The following ZSCAN32 variants were observed in gnomAD, a reference collection of about 807,000 sequenced individuals.
ZSCAN32 encodes the protein zinc finger and SCAN domain containing 32.
In ZSCAN32, 52 loss-of-function variants were observed where a neutral mutation model predicts 47.4. The ratio of observed to expected loss-of-function variants is 1.10; its 90% CI spans 0.88 to 1.38. ZSCAN32 has a LOEUF of 1.38. Among genes scored for constraint, ZSCAN32 ranks in the 40% most tolerant of loss-of-function variants. The pLI is 0.00. For missense variants in ZSCAN32, 959 were observed against 846.0 expected, an observed-to-expected ratio of 1.13 and a Z score of -1.66; for synonymous variants, 346 against 305.7, an observed-to-expected ratio of 1.13 and a Z score of -1.38.
chr16:3,385,546 C>A (rs2031867981), intron 5 of ZSCAN32, among the ~76,000 whole-genome samples: 2 of 152,160 alleles, frequency 1.3e-5, no homozygotes, highest in Admixed American at 6.5e-5. Context: ...TCAAACTATA[C>A]TACAAGGCTA....
At chr16:3,395,200 G>A (rs1596229550) in intron 2 of ZSCAN32, among the ~76,000 whole-genome samples, 1 of 152,306 alleles carries the variant, frequency 6.6e-6, no homozygotes, top group East Asian at 1.9e-4. Flanking sequence ...AGGGAATGAA[G>A]AGAGGTACTG....
intron 2 of ZSCAN32, among the ~76,000 whole-genome samples, chr16:3,396,846 C>G (rs990866152): frequency 2.3e-4 from 35 of 152,212 alleles, no homozygotes; most frequent in African/African-American, 8.2e-4. Context: ...AAGCTCCTAG[C>G]ATGAAACTAG....
chr16:3,390,991 T>TA (rs1265077785), intron 3 of ZSCAN32, among the ~76,000 whole-genome samples: 2 of 152,200 alleles, frequency 1.3e-5, no homozygotes, highest in Non-Finnish European at 2.9e-5. Context: ...CACACCAAGA[T>TA]AATACATTTT....
intron 3 of ZSCAN32, among the ~76,000 whole-genome samples, chr16:3,393,055 T>A (rs1456990127): frequency 6.9e-6 from 1 of 144,908 alleles, no homozygotes; most frequent in Non-Finnish European, 1.5e-5. Context: ...AGAATTGTAA[T>A]AAAAAAGAAT....
At chr16:3,390,615 C>G in intron 3 of ZSCAN32, 98 bp from the exon 4 acceptor site, 1 of 893,174 alleles carries the variant, frequency 1.1e-6, no homozygotes, top group Non-Finnish European at 1.7e-6. Context: ...GCATCAGCAG[C>G]CCCTGGCAAC....
In ZSCAN32 at chr16:3,390,512, G is replaced by C. The variant is rs953962512; in HGVS notation, c.538C>G (p.Leu180Val). The C allele has an allele frequency of 1.0e-5, 16 of 1,548,524 alleles. No individual in the cohort carries two copies. Among genetic ancestry groups the C allele is most frequent in the Admixed American group, 5.9e-5 (3 of 50,966 alleles). ...AGGTTCCTGGGAGCCTGAGGAGCAA[G>C]CCAGGCTGGGGGAAAAAACAGCCGC... ...QRPGEQSEAW[L>V]APQAPRNLPQ... The change falls in exon 4 of 7, where the codon CTT (leucine) becomes GTT (valine). Residue 180 changes from leucine (L) to valine (V), a missense_variant. Coordinates refer to ENST00000396852, the MANE Select transcript of ZSCAN32 (RefSeq NM_001284527.2).
rs751620210 is a variant in ZSCAN32 at position 3,383,600 on chromosome 16, G to C, written c.1346C>G (p.Ser449Cys). Residue 449 changes from serine (S) to cysteine (C), a missense_variant, in exon 7 of 7, where the codon TCT becomes TGT. Physicochemically the swap from Ser to Cys is moderately radical, Grantham distance 112. Transcript: ENST00000396852. ...QRKSRGVYWH[S>C]ELQKGLESEP... The stretch of plus-strand genomic sequence containing the variant: ...ACTCTCCAAGCCTTTTTGTAGCTCA[G>C]AGTGCCAATAAACTCCTCTGGACTT... The C allele has an allele frequency of 7.4e-6, 12 of 1,613,738 alleles. No homozygotes were observed. The highest frequency in any genetic ancestry group is 8.5e-6 in the Non-Finnish European group (10 of 1,179,998).
rs2033503740 is a variant in ZSCAN32, at chr16:3,397,651, C to G, written c.-94G>C. ...ATCACTGGGAAGCCATGTTCTCCTG[C>G]AAGGAATGTCTTTCTGTAATCCGTG... On this transcript the variant is annotated 5_prime_UTR_variant, in exon 2 of 7. Transcript: ENST00000396852. 1 of 1,412,864 alleles carries G rather than the reference C, an allele frequency of 7.1e-7. No homozygotes were observed. The highest frequency in any genetic ancestry group is 1.5e-5 in the South Asian group (1 of 66,378). 87.5% of individuals were successfully genotyped at this position (1,412,864 alleles called of 1,614,324 possible).
In ZSCAN32 at chr16:3,390,119, A is replaced by C; in HGVS notation, c.642T>G (p.Arg214=). ...GACAGAGGGATACAGCTCTGTTGTC[A>C]CGCATGGCTGGTCCCTGTAACAACA... ...WTAGSQGPAM[R]DNRAVSLCQQ... Residue 214 remains arginine (R), a synonymous_variant, in exon 5 of 7, where the codon CGT becomes CGG. Transcript: ENST00000396852. The C allele has an allele frequency of 6.2e-7, 1 of 1,612,068 alleles. No homozygotes were observed. The highest frequency in any genetic ancestry group is 8.5e-7 in the Non-Finnish European group (1 of 1,179,036).
At chr16:3,385,110 G>A (rs1233686273) in intron 5 of ZSCAN32, among the ~76,000 whole-genome samples, 169 bp from the exon 6 acceptor site, 1 of 152,136 alleles carries the variant, frequency 6.6e-6, no homozygotes, top group East Asian at 1.9e-4. Context: ...AGATCATGAG[G>A]TCAAGAGATC....
chr16:3,383,994 G>A (rs2031607683), intron 6 of ZSCAN32: 1 of 460,294 alleles, frequency 2.2e-6, no homozygotes, highest in African/African-American at 2.0e-5. Flanking sequence ...TATATCATCT[G>A]CCAGTCTGTT....
At position 3,383,538 on chromosome 16, in the gene ZSCAN32, C is replaced by G. The variant is rs764892915; in HGVS notation, c.1408G>C (p.Gly470Arg). ...TSRRQCRNSP[G>R]ESEEKTPSQE... ...GATGGGGTTTTCTCCTCACTCTCCCCTGGAGAATTTCTACATTGCCTTCTT... is the reference window on the plus strand; with the variant it reads ...GATGGGGTTTTCTCCTCACTCTCCCGTGGAGAATTTCTACATTGCCTTCTT... The change falls in exon 7 of 7, where the codon GGG (glycine) becomes CGG (arginine). Residue 470 changes from glycine (G) to arginine (R), a missense_variant. Transcript: ENST00000396852. The G allele has an allele frequency of 4.3e-6, 7 of 1,614,118 alleles. No individual in the cohort carries two copies. In the East Asian group the frequency reaches 1.6e-4, roughly 36 times the overall value.
At position 3,383,279 on chromosome 16, in the gene ZSCAN32, T is replaced by A; in HGVS notation, c.1667A>T (p.Lys556Met). The A allele has an allele frequency of 6.2e-7, 1 of 1,614,234 alleles. No individual in the cohort carries two copies. Among genetic ancestry groups the A allele is most frequent in the Non-Finnish European group, 8.5e-7 (1 of 1,180,040 alleles). Residue 556 changes from lysine (K) to methionine (M), a missense_variant, in exon 7 of 7, where the codon AAG becomes ATG. By Grantham distance (95) the Lys-to-Met change is moderately conservative. Coordinates refer to ENST00000396852, the MANE Select transcript of ZSCAN32 (RefSeq NM_001284527.2). ...GAGGTTGGAGCGCTCACTAAAGCCC[T>A]TCCCGCACTCACTGCACTTGTGAGG... ...EKPHKCSECG[K>M]GFSERSNLTA...
At position 3,393,782 on chromosome 16, in the gene ZSCAN32, G is replaced by T; in HGVS notation, c.399C>A (p.Leu133=). 1 of 1,549,954 alleles carries T rather than the reference G, an allele frequency of 6.5e-7. No individual in the cohort carries two copies. Among genetic ancestry groups the T allele is most frequent in the East Asian group, 2.4e-5 (1 of 40,896 alleles). The change falls in exon 3 of 7, where the codon CTC becomes CTA. Residue 133 remains leucine (L), a synonymous_variant. Transcript: ENST00000396852. ...VLDSEKDLKV[L]MKEMAPLGAT... ...CTCCCAAAGGGGCCATCTCCTTCAT[G>T]AGTACTTTCAAGTCCTTCTCAGAAT...
intron 3 of ZSCAN32, among the ~76,000 whole-genome samples, chr16:3,391,206 G>A (rs1047010251): frequency 3.3e-5 from 5 of 152,162 alleles, no homozygotes; most frequent in Admixed American, 6.5e-5. Flanking sequence ...TGGGAAGAGC[G>A]GGAGCCTAGC....
intron 2 of ZSCAN32, among the ~76,000 whole-genome samples, chr16:3,395,129 C>T (rs183838579): frequency 8.4e-4 from 128 of 152,328 alleles, no homozygotes; most frequent in African/African-American, 2.9e-3. Flanking sequence ...TGAAAATCAA[C>T]TTTTGTCTTT....
At position 3,397,785 on chromosome 16, in the gene ZSCAN32, T is replaced by C. The variant is rs2033518053; in HGVS notation, c.-187-41A>G. On this transcript the variant is annotated intron_variant, in intron 1 of 6. Transcript: ENST00000396852. ...AAAGACAATATAAACCTATCAAACATTCCTTCACTCTGGTTCTTGTGATTT... is the reference window on the plus strand; with the variant it reads ...AAAGACAATATAAACCTATCAAACACTCCTTCACTCTGGTTCTTGTGATTT... The C allele has an allele frequency of 4.0e-5, 18 of 453,600 alleles. 1 individual carries two copies. In the East Asian group the frequency reaches 7.2e-4, roughly 18 times the overall value. The allele number at this position is 453,600 out of a possible 1,614,324, so 28.1% of individuals were successfully genotyped here. A position where few individuals can be genotyped will look rare whatever the true frequency, so the allele number is the denominator to read the frequency against.
intron 1 of ZSCAN32, among the ~76,000 whole-genome samples, chr16:3,400,105 T>G (rs1184096007): frequency 6.6e-6 from 1 of 152,238 alleles, no homozygotes; most frequent in Non-Finnish European, 1.5e-5. Flanking sequence ...GGTAAATGTT[T>G]TTTAAAAATT....
Position 3,383,173 on chromosome 16 carries a change from G to A in ZSCAN32, c.1773C>T (p.Ser591=). 6.2e-7 allele frequency: 1 copy of A among 1,614,164 alleles called. No individual in the cohort carries two copies. Among genetic ancestry groups the A allele is most frequent in the East Asian group, 2.2e-5 (1 of 44,874 alleles). ...TATGGGTCCTCTGGTGGACAATGAGGCTGGAACTCTGGTTGAAGCTTTTCC... is the reference window on the plus strand; with the variant it reads ...TATGGGTCCTCTGGTGGACAATGAGACTGGAACTCTGGTTGAAGCTTTTCC... ...QCGKSFNQSS[S]LIVHQRTHTG... Residue 591 remains serine (S), a synonymous_variant, in exon 7 of 7, where the codon AGC becomes AGT. Transcript: ENST00000396852.
Sources: gnomAD v4.1 joint callset for allele counts (sites outside exome capture counted in the v4.1 genomes callset) on GRCh38, gnomAD v4.1.1 for gene constraint, MANE v1.5 for transcripts, NCBI Gene and HGNC (gene_info 2026-07-23, HGNC 2026-07-21) for gene names.